CYP4X1: variants seen among roughly 807,000 people sequenced by gnomAD.
CYP4X1 encodes cytochrome P450 family 4 subfamily X member 1, also known as cytochrome P450 4X1.
CYP4X1 carries 44 observed loss-of-function variants against 57.9 expected under a neutral mutation model. The ratio of observed to expected loss-of-function variants is 0.76; its 90% CI spans 0.60 to 0.98. The LOEUF is 0.98. Ranked by LOEUF, CYP4X1 falls within the 50% of genes least tolerant of loss-of-function variation. The pLI is 0.00. For synonymous variants in CYP4X1, 227 were observed against 228.6 expected (o/e 0.99, Z 0.06); for missense variants, 532 against 623.9 (o/e 0.85, Z 1.57).
At chr1:46,982,693 C>T in the CYP4X1 span, among the ~76,000 whole-genome samples, 1 of 152,146 alleles carries the variant, frequency 6.6e-6, no homozygotes, top group Non-Finnish European at 1.5e-5. Context: ...AGCATAATGG[C>T]CAGTAGGTAG....
At chr1:47,021,657 G>C (rs777862895), upstream of CYP4X1, among the ~76,000 whole-genome samples, 6 of 152,190 alleles carry the variant, frequency 3.9e-5, no homozygotes, top group Non-Finnish European at 4.4e-5. Context: ...CCTAAATATA[G>C]TGCAAAAAGT....
Position 47,050,064 on chromosome 1 carries a change from C to A in CYP4X1, c.1420C>A (p.His474Asn). The change falls in exon 12 of 12, where the codon CAC becomes AAC. Residue 474 changes from histidine (H) to asparagine (N), a missense_variant. Coordinates refer to ENST00000371901, the MANE Select transcript of CYP4X1 (RefSeq NM_178033.2). The stretch of plus-strand genomic sequence containing the variant: ...GGTAACCATTGCCTTGATTCTGCTC[C>A]ACTTCAGAGTGACTCCAGACCCCAC... The part of the protein sequence containing the change: ...LKVTIALILL[H>N]FRVTPDPTRP... 6.2e-7 allele frequency: 1 copy of A among 1,614,008 alleles called. No homozygotes were observed. Among genetic ancestry groups the A allele is most frequent in the Non-Finnish European group, 8.5e-7 (1 of 1,180,000 alleles).
Position 47,035,921 on chromosome 1 carries a change from G to A in CYP4X1, c.608G>A (p.Cys203Tyr). Residue 203 changes from cysteine to tyrosine, a missense_variant, in exon 5 of 12, where the codon TGC becomes TAC. Transcript: ENST00000371901. ...MKCAFSKETN[C>Y]QTNSTHDPYA... is the part of the protein sequence containing the mutation. ...TGCGCTTTCAGCAAGGAGACCAACT[G>A]CCAGACAAACAGGTCAGTGGTGGGA... 1 of 1,613,658 alleles carries A rather than the reference G, an allele frequency of 6.2e-7. No homozygotes were observed.
chr1:47,033,166 C>T (rs1297583574), intron 3 of CYP4X1, 75 bp from the exon 4 acceptor site: 2 of 1,536,940 alleles, frequency 1.3e-6, no homozygotes, highest in African/African-American at 1.4e-5. Context: ...TTACTCCACG[C>T]TGCCTGTGTT....
At chr1:47,047,940 T>G (rs1273563024) in intron 9 of CYP4X1, among the ~76,000 whole-genome samples, 1 of 152,126 alleles carries the variant, frequency 6.6e-6, no homozygotes, top group Non-Finnish European at 1.5e-5. Context: ...GAGTGCTTAA[T>G]AGTCCATTAA....
At position 47,039,375 on chromosome 1, in the gene CYP4X1, G is replaced by A. The variant is rs776355863; in HGVS notation, c.916G>A (p.Val306Ile). The change falls in exon 8 of 12, where the codon GTA becomes ATA. Residue 306 changes from valine to isoleucine, a missense_variant. Coordinates refer to ENST00000371901, the MANE Select transcript of CYP4X1 (RefSeq NM_178033.2). ...ESGSSFSDID[V>I]HSEVSTFLLA... ...TGGTAGCAGCTTCTCAGATATTGAT[G>A]TACACTCTGAAGTGAGCACATTCCT... 7.5e-5 allele frequency: 121 copies of A among 1,609,364 alleles called. No individual in the cohort carries two copies. Among genetic ancestry groups the A allele is most frequent in the Non-Finnish European group, 9.6e-5 (113 of 1,178,216 alleles).
At chr1:47,022,896 C>T (rs1644014054), upstream of CYP4X1, among the ~76,000 whole-genome samples, 1 of 152,168 alleles carries the variant, frequency 6.6e-6, no homozygotes, top group African/African-American at 2.4e-5. Context: ...GGAAGTCAGG[C>T]TTGTTAGATC....
rs1644108846 is a variant in CYP4X1, at chr1:47,030,031, T to C, written c.219T>C (p.Ile73=). 5.6e-6 allele frequency: 9 copies of C among 1,614,128 alleles called. No homozygotes were observed. Among genetic ancestry groups the C allele is most frequent in the Non-Finnish European group, 7.6e-6 (9 of 1,180,008 alleles). Residue 73 remains isoleucine (I), a synonymous_variant, in exon 2 of 12, where the codon ATT becomes ATC. Transcript: ENST00000371901. ...ACATGGAGAAGCTTGAGGAAATTAT[T>C]GAAAAATACCCTCGTGCCTTCCCTT... The part of the protein sequence containing the change: ...DDNMEKLEEI[I]EKYPRAFPFW...
intron 7 of CYP4X1, 114 bp downstream of exon 7, chr1:47,038,880 T>C (rs1644214710): frequency 2.7e-6 from 2 of 746,224 alleles, no homozygotes; most frequent in Admixed American, 3.2e-5. Context: ...TAAATTTAAC[T>C]GTACTTTGAA....
the CYP4X1 span, among the ~76,000 whole-genome samples, chr1:47,015,754 A>C: frequency 6.6e-6 from 1 of 152,146 alleles, no homozygotes; most frequent in Non-Finnish European, 1.5e-5. Context: ...CTGTCTAAAA[A>C]AATGGCTAGG....
In CYP4X1 at chr1:47,039,448, A is replaced by G. The variant is rs140304318; in HGVS notation, c.989A>G (p.Tyr330Cys). The change falls in exon 8 of 12, where the codon TAC (tyrosine) becomes TGC (cysteine). Residue 330 changes from tyrosine to cysteine, a missense_variant. Coordinates refer to ENST00000371901, the MANE Select transcript of CYP4X1 (RefSeq NM_178033.2). ...TLAASISWIL[Y>C]CLALNPEHQE... ...GCAGCAAGCATCTCCTGGATCCTTTACTGCCTGGCTCTGAACCCTGAGCAT... is the reference window on the plus strand; with the variant it reads ...GCAGCAAGCATCTCCTGGATCCTTTGCTGCCTGGCTCTGAACCCTGAGCAT... 11 of 1,613,668 alleles carry G rather than the reference A, an allele frequency of 6.8e-6. No individual in the cohort carries two copies. The highest frequency in any genetic ancestry group is 9.3e-6 in the Non-Finnish European group (11 of 1,179,812).
chr1:47,043,031 A>G (rs1399044006), intron 8 of CYP4X1, among the ~76,000 whole-genome samples: 1 of 152,176 alleles, frequency 6.6e-6, no homozygotes, highest in Non-Finnish European at 1.5e-5. Flanking sequence ...AGGAATCTCC[A>G]CACTGTTTTC....
intron 3 of CYP4X1, among the ~76,000 whole-genome samples, chr1:47,032,424 A>T (rs935455719): frequency 6.6e-6 from 1 of 152,188 alleles, no homozygotes; most frequent in African/African-American, 2.4e-5. Context: ...TGAGACTCAC[A>T]TTGCTGGGCT....
chr1:47,031,171 G>C (rs182868374), intron 2 of CYP4X1, among the ~76,000 whole-genome samples: 1 of 152,244 alleles, frequency 6.6e-6, no homozygotes, highest in Non-Finnish European at 1.5e-5. Flanking sequence ...GGCAAACTCT[G>C]TTCTTGTTGG....
At chr1:47,049,226 A>C (rs2148517331) in intron 10 of CYP4X1, among the ~76,000 whole-genome samples, 196 bp from the exon 11 acceptor site, 1 of 152,378 alleles carries the variant, frequency 6.6e-6, no homozygotes, top group South Asian at 2.1e-4. Context: ...TATATTGATT[A>C]CAGGTTGGAA....
At chr1:47,016,047 G>T in the CYP4X1 span, among the ~76,000 whole-genome samples, 4 of 151,718 alleles carry the variant, frequency 2.6e-5, no homozygotes, top group African/African-American at 2.4e-5. Context: ...TCTTGACCTG[G>T]GATATCTCCA....
chr1:46,992,280 A>G, the CYP4X1 span, among the ~76,000 whole-genome samples: 1 of 152,222 alleles, frequency 6.6e-6, no homozygotes, highest in Non-Finnish European at 1.5e-5. Context: ...AGACACTTTA[A>G]CCAATTTAAA....
the CYP4X1 span, chr1:46,967,617 C>A: frequency 2.9e-6 from 1 of 348,972 alleles, no homozygotes. Context: ...AGGATGTGGG[C>A]AGACAGGCAG....
the CYP4X1 span, among the ~76,000 whole-genome samples, chr1:46,975,709 C>G: frequency 1.3e-5 from 2 of 152,094 alleles, no homozygotes; most frequent in African/African-American, 2.4e-5. Flanking sequence ...GCATGGCAAC[C>G]TCTCTAGTGA....
Sources: gnomAD v4.1 joint callset for allele counts (sites outside exome capture counted in the v4.1 genomes callset) on GRCh38, gnomAD v4.1.1 for gene constraint, MANE v1.5 for transcripts, NCBI Gene and HGNC (gene_info 2026-07-23, HGNC 2026-07-21) for gene names.